Variants in COL6A3 observed in about 807,000 individuals in gnomAD.
COL6A3 encodes collagen alpha-3(VI) chain.
In COL6A3, 137 loss-of-function variants were observed where a neutral mutation model predicts 274.1. The ratio of observed to expected loss-of-function variants is 0.50; its 90% CI spans 0.44 to 0.58. The LOEUF (loss-of-function observed/expected upper bound fraction) is 0.58. COL6A3 is among the 20% of genes least tolerant of loss of function. The pLI is 0.00. For synonymous variants in COL6A3, 1,650 were observed against 1,650.6 expected (o/e 1.00, Z 0.01); for missense variants, 3,950 against 4,124.9 (o/e 0.96, Z 1.16).
rs554006140 is a variant in COL6A3 at position 237,354,525 on chromosome 2, A to G, written c.6627+374T>C. On this transcript the variant is annotated intron_variant, in intron 24 of 43. Coordinates refer to ENST00000295550, the MANE Select transcript of COL6A3 (RefSeq NM_004369.4). ...TAAACTGTGTATTCAGTGAAAGGCT[A>G]ATCAGAGACTCAAAAGAATGCAACC... Among the ~76,000 whole-genome samples the G allele has an allele frequency of 4.6e-5, 7 of 152,268 alleles. No individual in the cohort carries two copies. In the South Asian group the frequency reaches 8.3e-4, roughly 18 times the overall value.
In COL6A3 at chr2:237,361,606, T is replaced by C; in HGVS notation, c.6156+133A>G. 1 of 900,798 alleles carries C rather than the reference T, an allele frequency of 1.1e-6. No individual in the cohort carries two copies. Among genetic ancestry groups the C allele is most frequent in the East Asian group, 2.4e-5 (1 of 40,864 alleles). The allele number at this position is 900,798 out of a possible 1,614,324, so 55.8% of individuals were successfully genotyped here. A position where few individuals can be genotyped will look rare whatever the true frequency, so the allele number is the denominator to read the frequency against. On this transcript the variant is annotated intron_variant, in intron 15 of 43. Transcript: ENST00000295550. The surrounding 1 kb of genome is among the most constrained non-coding windows in gnomAD (Gnocchi z 5.1). ...CAGGTCTGCCCCTCAGAGCTCCTCC[T>C]TCTAACATAAGAAATGGTCTCTCGT...
At chr2:237,335,518 G>A (rs1442259327) in intron 40 of COL6A3, among the ~76,000 whole-genome samples, 2 of 152,172 alleles carry the variant, frequency 1.3e-5, no homozygotes. Flanking sequence ...TTTTCTCATG[G>A]TCAGCATGAG....
At chr2:237,332,053 C>T (rs1264715147) in intron 42 of COL6A3, among the ~76,000 whole-genome samples, 2 of 91,156 alleles carry the variant, frequency 2.2e-5, no homozygotes, top group African/African-American at 3.9e-5. Context: ...CTCCCCCCAT[C>T]TCTCTCTCTC....
At chr2:237,394,554 G>C in intron 3 of COL6A3, 33 bp downstream of exon 3, 1 of 1,613,090 alleles carries the variant, frequency 6.2e-7, no homozygotes, top group Non-Finnish European at 8.5e-7. Context: ...AAGAACAGCA[G>C]GGCAGGGCGT....
chr2:237,365,946 C>G lies in COL6A3; in HGVS notation c.5590G>C (p.Ala1864Pro). Residue 1864 changes from alanine to proline, a missense_variant, in exon 12 of 44, where the codon GCC (alanine) becomes CCC (proline). By Grantham distance (27) the Ala-to-Pro change is conservative. Transcript: ENST00000295550. Reference protein sequence around the residue: ...AQKGFESKVDAILNRISQMHR... With the variant: ...AQKGFESKVDPILNRISQMHR... The stretch of plus-strand genomic sequence containing the variant: ...ATCTGGCTGATTCTGTTCAAGATGG[C>G]GTCCACCTTGGACTCGAAGCCCTTC... The G allele has an allele frequency of 6.2e-7, 1 of 1,614,062 alleles. No homozygotes were observed.
intron 42 of COL6A3, chr2:237,326,732 T>A (rs1260228576): frequency 6.6e-6 from 1 of 152,224 alleles, no homozygotes; most frequent in Non-Finnish European, 1.5e-5. Context: ...CTTCTCCATC[T>A]CCTTTGTCCC....
At chr2:237,384,672 C>T (rs1438204036) in intron 4 of COL6A3, among the ~76,000 whole-genome samples, 2 of 152,152 alleles carry the variant, frequency 1.3e-5, no homozygotes, top group African/African-American at 4.8e-5. Flanking sequence ...ATGACTGTCT[C>T]ATGGCTGTGC....
rs141427339 is a variant in COL6A3, at chr2:237,353,782, C to A, written c.6628-379G>T. 5.9e-5 allele frequency among the ~76,000 whole-genome samples: 9 copies of A among 152,282 alleles called. No homozygotes were observed. The East Asian group carries it at 1.7e-3, about 29-fold the overall frequency. ...ACTACTGCCTCAGTCATGTTTCCTGCACTTGGACCCCAAGTCCCCACTGGG... is the reference window on the plus strand; with the variant it reads ...ACTACTGCCTCAGTCATGTTTCCTGAACTTGGACCCCAAGTCCCCACTGGG... On this transcript the variant is annotated intron_variant, in intron 24 of 43. Coordinates refer to ENST00000295550, the MANE Select transcript of COL6A3 (RefSeq NM_004369.4).
At chr2:237,393,766 G>T (rs1377392960) in intron 3 of COL6A3, among the ~76,000 whole-genome samples, 1 of 152,240 alleles carries the variant, frequency 6.6e-6, no homozygotes, top group African/African-American at 2.4e-5. Context: ...GGCCATTTAG[G>T]CACTTAGCCC....
chr2:237,386,378 C>G (rs1358362917), intron 4 of COL6A3: 1 of 152,136 alleles, frequency 6.6e-6, no homozygotes, highest in African/African-American at 2.4e-5. Flanking sequence ...ATTTTCACTC[C>G]TTTATCAAAG....
At position 237,406,694 on chromosome 2, in the gene COL6A3, G is replaced by C. The variant is rs530410811; in HGVS notation, c.-31+7259C>G. Among the ~76,000 whole-genome samples the C allele has an allele frequency of 3.0e-4, 45 of 152,246 alleles. No homozygotes were observed. The South Asian group carries it at 9.4e-3, about 32-fold the overall frequency. On this transcript the variant is annotated intron_variant, in intron 1 of 43. Transcript: ENST00000295550. ...AAAGGAGTCCCCGTTCTTTTCCTCA[G>C]GGAGGAAGCTAAGAAAGGATTTATT...
At position 237,336,479 on chromosome 2, in the gene COL6A3, G is replaced by A. The variant is rs779335085; in HGVS notation, c.8621C>T (p.Thr2874Met). The A allele has an allele frequency of 2.4e-5, 38 of 1,614,098 alleles. No individual in the cohort carries two copies. Among genetic ancestry groups the A allele is most frequent in the Admixed American group, 1.2e-4 (7 of 60,010 alleles). The change falls in exon 40 of 44, where the codon ACG (threonine) becomes ATG (methionine). Residue 2874 changes from threonine (T) to methionine (M), a missense_variant. By Grantham distance (81) the Thr-to-Met change is moderately conservative. Transcript: ENST00000295550. ...CGGCTTCGTCGTAGTCACCGGCTTCGTTGTCGTCACTGGGTTGGATGTAGG... is the reference window on the plus strand; with the variant it reads ...CGGCTTCGTCGTAGTCACCGGCTTCATTGTCGTCACTGGGTTGGATGTAGG... ...SSPTSNPVTT[T>M]KPVTTTKPVT... is the part of the protein sequence containing the mutation.
rs1699839210 is a variant in COL6A3 at position 237,324,709 on chromosome 2, A to G, written c.*65T>C. 6.6e-7 allele frequency: 1 copy of G among 1,503,776 alleles called. No homozygotes were observed. The highest frequency in any genetic ancestry group is 1.4e-5 in the African/African-American group (1 of 72,928). The allele number at this position is 1,503,776 out of a possible 1,614,324, so 93.2% of individuals were successfully genotyped here. A position where few individuals can be genotyped will look rare whatever the true frequency, so the allele number is the denominator to read the frequency against. ...GGGAATCTACACCCGGAGCTTCTACAGAGACAAGTTGGCGATGGCTGACTC... is the reference window on the plus strand; with the variant it reads ...GGGAATCTACACCCGGAGCTTCTACGGAGACAAGTTGGCGATGGCTGACTC... On this transcript the variant is annotated 3_prime_UTR_variant, in exon 44 of 44. Transcript: ENST00000295550.
intron 23 of COL6A3, among the ~76,000 whole-genome samples, chr2:237,356,241 C>T (rs2077313928): frequency 6.6e-6 from 1 of 152,150 alleles, no homozygotes; most frequent in Non-Finnish European, 1.5e-5. Flanking sequence ...TGTAATAGCC[C>T]ATTGTAACAT....
At chr2:237,355,935 A>C (rs2106337719) in intron 23 of COL6A3, among the ~76,000 whole-genome samples, 1 of 152,334 alleles carries the variant, frequency 6.6e-6, no homozygotes, top group Middle Eastern at 3.4e-3. Context: ...ACTCAGTGAT[A>C]CATTGCTCAG....
Position 237,361,897 on chromosome 2 carries a change from C to T in COL6A3, c.6064-66G>A, listed in dbSNP as rs1005883963. 18 of 1,416,230 alleles carry T rather than the reference C, an allele frequency of 1.3e-5. No individual in the cohort carries two copies. The highest frequency in any genetic ancestry group is 2.3e-5 in the South Asian group (2 of 87,050). 87.7% of individuals were successfully genotyped at this position (1,416,230 alleles called of 1,614,324 possible). A position where few individuals can be genotyped will look rare whatever the true frequency, so the allele number is the denominator to read the frequency against. On this transcript the variant is annotated intron_variant, in intron 14 of 43. Coordinates refer to ENST00000295550, the MANE Select transcript of COL6A3 (RefSeq NM_004369.4). The surrounding 1 kb of genome is among the most constrained non-coding windows in gnomAD (Gnocchi z 5.1). Reference sequence around the variant, plus strand: ...AATGCCCAGCAGAAAATCATAAATGCGCTTTAAGGGTCAAAATCGGATGTG... The same window carrying T: ...AATGCCCAGCAGAAAATCATAAATGTGCTTTAAGGGTCAAAATCGGATGTG...
At chr2:237,398,931 T>C (rs190635134) in intron 1 of COL6A3, among the ~76,000 whole-genome samples, 11 of 152,320 alleles carry the variant, frequency 7.2e-5, no homozygotes, top group East Asian at 1.9e-4. Flanking sequence ...TATGTGATCA[T>C]TGCAGTTTTT....
At chr2:237,329,366 T>G (rs1231199633) in intron 42 of COL6A3, 2 of 152,372 alleles carry the variant, frequency 1.3e-5, no homozygotes, top group Middle Eastern at 3.4e-3. Flanking sequence ...ATTTTTAACT[T>G]TATTTTAAAA....
intron 3 of COL6A3, among the ~76,000 whole-genome samples, chr2:237,390,585 C>T (rs1190540860): frequency 6.6e-6 from 1 of 152,224 alleles, no homozygotes; most frequent in Non-Finnish European, 1.5e-5. Flanking sequence ...ATCACATCCT[C>T]TGTGGTGTTT....
Sources: gnomAD v4.1 joint callset for allele counts (sites outside exome capture counted in the v4.1 genomes callset) on GRCh38, gnomAD v4.1.1 for gene constraint, Gnocchi (gnomAD v3.1) non-coding constraint, MANE v1.5 for transcripts, NCBI Gene and HGNC (gene_info 2026-07-23, HGNC 2026-07-21) for gene names.